ZNHIT6: variants seen among roughly 807,000 people sequenced by gnomAD.
ZNHIT6 encodes zinc finger HIT-type containing 6, also known as box C/D snoRNA protein 1.
A neutral mutation model predicts 57.2 loss-of-function variants in ZNHIT6; 45 were observed. The observed-to-expected ratio is 0.79, with a 90% CI of 0.62 to 1.01. The LOEUF is 1.01. Ranked by LOEUF, ZNHIT6 falls within the 50% of genes least tolerant of loss-of-function variation. The probability of loss-of-function intolerance (pLI) is 0.00; values close to 1 mark genes in which losing one functional copy is unlikely to be tolerated. For missense variants in ZNHIT6, 528 were observed against 567.3 expected, an observed-to-expected ratio of 0.93 and a Z score of 0.70; for synonymous variants, 188 against 190.0, an observed-to-expected ratio of 0.99 and a Z score of 0.09.
chr1:85,690,323 C>T (rs1280289726), intron 5 of ZNHIT6, among the ~76,000 whole-genome samples: 1 of 152,172 alleles, frequency 6.6e-6, no homozygotes, highest in Non-Finnish European at 1.5e-5. Context: ...TTTTTAGGCA[C>T]ACCAAATTAC....
intron 8 of ZNHIT6, among the ~76,000 whole-genome samples, chr1:85,676,697 C>T (rs1011298357): frequency 6.6e-6 from 1 of 151,954 alleles, no homozygotes; most frequent in Non-Finnish European, 1.5e-5. Flanking sequence ...AGAACACACA[C>T]ATTTAAGGCT....
Position 85,708,027 on chromosome 1 carries a change from T to C in ZNHIT6, c.258A>G (p.Pro86=). 6.2e-7 allele frequency: 1 copy of C among 1,614,186 alleles called. No individual in the cohort carries two copies. Among genetic ancestry groups the C allele is most frequent in the Non-Finnish European group, 8.5e-7 (1 of 1,180,028 alleles). ...GGCCAGCCAACCTGCCTTCTGTACC[T>C]GGCCAGTCTATAATTTCCTGCTTCA... The part of the protein sequence containing the change: ...TVVKQEIIDW[P]GTEGRLAGQW... Residue 86 remains proline (P), a synonymous_variant, in exon 1 of 10, where the codon CCA becomes CCG. Transcript: ENST00000370574.
rs369520295 is a variant in ZNHIT6, at chr1:85,652,742, A to C, written c.*1316T>G. ...AAAAAACTTATTCCAACTGTAACTA[A>C]AAATCAATTTCATTAATGTCCAGTT... On this transcript the variant is annotated 3_prime_UTR_variant, in exon 10 of 10. Transcript: ENST00000370574. 6.6e-6 allele frequency: 1 copy of C among 152,204 alleles called. No individual in the cohort carries two copies. Among genetic ancestry groups the C allele is most frequent in the Non-Finnish European group, 1.5e-5 (1 of 68,038 alleles). The allele number at this position is 152,204 out of a possible 1,614,324, so 9.4% of individuals were successfully genotyped here. A position where few individuals can be genotyped will look rare whatever the true frequency, so the allele number is the denominator to read the frequency against.
At chr1:85,668,865 A>G (rs1375170070) in intron 8 of ZNHIT6, among the ~76,000 whole-genome samples, 1 of 152,188 alleles carries the variant, frequency 6.6e-6, no homozygotes, top group Non-Finnish European at 1.5e-5. Flanking sequence ...AACTTGTCAC[A>G]TGTTAGACAT....
At chr1:85,669,589 A>T (rs1485699717) in intron 8 of ZNHIT6, among the ~76,000 whole-genome samples, 1 of 152,204 alleles carries the variant, frequency 6.6e-6, no homozygotes, top group Non-Finnish European at 1.5e-5. Context: ...AACAGTAAAA[A>T]TTTTTGTGAT....
chr1:85,674,727 C>G (rs1224780044), intron 8 of ZNHIT6, among the ~76,000 whole-genome samples: 1 of 152,046 alleles, frequency 6.6e-6, no homozygotes, highest in Admixed American at 6.6e-5. Flanking sequence ...CTAATTAGTT[C>G]ATTTAAATGT....
At chr1:85,673,708 T>C (rs1428577657) in intron 8 of ZNHIT6, among the ~76,000 whole-genome samples, 2 of 152,190 alleles carry the variant, frequency 1.3e-5, no homozygotes, top group Non-Finnish European at 2.9e-5. Context: ...ATTTATAACC[T>C]ATAATAATTT....
At chr1:85,687,304 A>AAAAAAAAC (rs1557861168) in intron 5 of ZNHIT6, among the ~76,000 whole-genome samples, 6 of 142,582 alleles carry the variant, frequency 4.2e-5, no homozygotes, top group Non-Finnish European at 3.1e-5. Flanking sequence ...AAAAACAAAA[A>AAAAAAAAC]AAAAAAACAA....
intron 5 of ZNHIT6, among the ~76,000 whole-genome samples, chr1:85,688,041 CAAA>C (rs756438399): frequency 1.4e-4 from 8 of 58,214 alleles, no homozygotes; most frequent in Admixed American, 3.9e-4. Context: ...GACTCCGTCT[CAAA>C]AAAAAAAAAA....
chr1:85,652,896 T>C lies in ZNHIT6; in HGVS notation c.*1162A>G, dbSNP rs957209907. ...AATAAAATTAAGAATTTTTTTTCAG[T>C]ACATGAGATCAAACTGTATACAGAG... On this transcript the variant is annotated 3_prime_UTR_variant, in exon 10 of 10. Transcript: ENST00000370574. 2.0e-5 allele frequency: 3 copies of C among 152,172 alleles called. No homozygotes were observed. Among genetic ancestry groups the C allele is most frequent in the African/African-American group, 4.8e-5 (2 of 41,454 alleles). The allele number at this position is 152,172 out of a possible 1,614,324, so 9.4% of individuals were successfully genotyped here.
At chr1:85,686,938 C>T (rs751256313) in intron 5 of ZNHIT6, among the ~76,000 whole-genome samples, 7 of 151,784 alleles carry the variant, frequency 4.6e-5, no homozygotes, top group East Asian at 1.9e-4. Flanking sequence ...GGGATAACAA[C>T]GGTATTTCTA....
At chr1:85,706,588 TAA>T (rs762745153) in intron 1 of ZNHIT6, 81 bp from the exon 2 acceptor site, 58 of 1,277,276 alleles carry the variant, frequency 4.5e-5, no homozygotes, top group Non-Finnish European at 6.1e-5. Context: ...AATCAATTTA[TAA>T]ACTCAGTGAC....
chr1:85,684,460 G>A (rs1267253889), intron 5 of ZNHIT6, among the ~76,000 whole-genome samples: 1 of 152,158 alleles, frequency 6.6e-6, no homozygotes, highest in Non-Finnish European at 1.5e-5. Flanking sequence ...TTTAATGCTT[G>A]TGGCCCTACA....
rs1660957043 is a variant in ZNHIT6, at chr1:85,653,045, G to A, written c.*1013C>T. 1 of 151,992 alleles carries A rather than the reference G, an allele frequency of 6.6e-6. No homozygotes were observed. The highest frequency in any genetic ancestry group is 2.1e-4 in the South Asian group (1 of 4,814). 9.4% of individuals were successfully genotyped at this position (151,992 alleles called of 1,614,324 possible). On this transcript the variant is annotated 3_prime_UTR_variant, in exon 10 of 10. Coordinates refer to ENST00000370574, the MANE Select transcript of ZNHIT6 (RefSeq NM_017953.4). Reference sequence around the variant, plus strand: ...TTATTGCTAGACATATCAAAACACAGTATAAAACTGGTCATCACAACACCC... The same window carrying A: ...TTATTGCTAGACATATCAAAACACAATATAAAACTGGTCATCACAACACCC...
chr1:85,663,819 T>C (rs1370729889), intron 8 of ZNHIT6, among the ~76,000 whole-genome samples: 2 of 152,200 alleles, frequency 1.3e-5, no homozygotes, highest in East Asian at 3.8e-4. Context: ...TAGCTGGAAA[T>C]GAAATTCCTG....
At chr1:85,657,520 T>C (rs1661092686) in intron 9 of ZNHIT6, among the ~76,000 whole-genome samples, 1 of 151,674 alleles carries the variant, frequency 6.6e-6, no homozygotes, top group South Asian at 2.1e-4. Context: ...GGAGTAAATG[T>C]ACGTGATCAT....
chr1:85,672,868 A>G (rs1464035710), intron 8 of ZNHIT6, among the ~76,000 whole-genome samples: 6 of 152,164 alleles, frequency 3.9e-5, no homozygotes, highest in African/African-American at 1.4e-4. Flanking sequence ...AAATGTATCT[A>G]AATTTCTTTC....
chr1:85,657,719 C>T, intron 9 of ZNHIT6, 128 bp downstream of exon 9: 4 of 833,832 alleles, frequency 4.8e-6, no homozygotes, highest in Non-Finnish European at 7.3e-6. Flanking sequence ...CATTAACTAG[C>T]TATACAGTAG....
intron 9 of ZNHIT6, among the ~76,000 whole-genome samples, chr1:85,654,761 G>C (rs1661015150): frequency 6.6e-6 from 1 of 152,184 alleles, no homozygotes; most frequent in South Asian, 2.1e-4. Context: ...ATGGGAACCG[G>C]AGTAAGTGTT....
Sources: allele counts gnomAD v4.1 joint callset (sites outside exome capture counted in the v4.1 genomes callset), GRCh38; gene constraint gnomAD v4.1.1; transcripts MANE v1.5; gene names NCBI Gene and HGNC (gene_info 2026-07-23, HGNC 2026-07-21).